The following LYPD5 variants were observed in gnomAD, a reference collection of about 807,000 sequenced individuals.
LYPD5 encodes the protein LY6/PLAUR domain containing 5.
Under a neutral mutation model 19.1 loss-of-function variants are expected in LYPD5, and 21 were observed. That is an observed-to-expected ratio of 1.10 (90% CI 0.78 to 1.58). The LOEUF is 1.58. Among genes scored for constraint, LYPD5 ranks in the 40% most tolerant of loss-of-function variants. LYPD5 has a pLI of 0.00. For missense variants in LYPD5, 287 were observed against 329.8 expected (o/e 0.87, Z 1.00); for synonymous variants, 128 against 142.7 (o/e 0.90, Z 0.74).
chr19:43,820,595 C>G (rs1023976099), exon 1 of LYPD5: 1 of 152,316 alleles, frequency 6.6e-6, no homozygotes, highest in African/African-American at 2.4e-5. Flanking sequence ...CGCCCTGCTT[C>G]GATGTCTCCT....
chr19:43,798,124 AG>A (rs1970160053), intron 4 of LYPD5, among the ~76,000 whole-genome samples: 7 of 68,054 alleles, frequency 1.0e-4, no homozygotes, highest in Admixed American at 3.5e-4. Context: ...CTCCTTCCTC[AG>A]AGCAGGGCCA....
chr19:43,798,801 C>A lies in LYPD5; in HGVS notation c.370+11G>T, dbSNP rs1158101059. ...GTCCCTCCCGGAGCCCAGCCCCGCT[C>A]TCCCGCGCACCTTGGCTCAGGTTGG... On this transcript the variant is annotated intron_variant, in intron 3 of 4. Transcript: ENST00000377950. 4 of 1,603,234 alleles carry A rather than the reference C, an allele frequency of 2.5e-6. No individual in the cohort carries two copies. Among genetic ancestry groups the A allele is most frequent in the Admixed American group, 3.4e-5 (2 of 58,084 alleles).
intron 1 of LYPD5, among the ~76,000 whole-genome samples, chr19:43,810,117 C>T (rs979678641): frequency 3.3e-5 from 5 of 152,174 alleles, no homozygotes; most frequent in Admixed American, 2.6e-4. Context: ...AATAGCACCT[C>T]CTTAGGTGTA....
chr19:43,816,435 A>C (rs1363320467), intron 1 of LYPD5, among the ~76,000 whole-genome samples: 2 of 152,192 alleles, frequency 1.3e-5, no homozygotes, highest in South Asian at 2.1e-4. Flanking sequence ...AATATGACGG[A>C]GATTAGGAGG....
At position 43,814,047 on chromosome 19, in the gene LYPD5, C is replaced by T. The variant is rs349033; in HGVS notation, c.-66+6493G>A. 8.2e-3 allele frequency among the ~76,000 whole-genome samples: 1,253 copies of T among 152,202 alleles called. 15 individuals carry two copies. Among genetic ancestry groups the T allele is most frequent in the African/African-American group, 0.029 (1,198 of 41,530 alleles). On this transcript the variant is annotated intron_variant, in intron 1 of 4. Coordinates refer to the LYPD5 transcript ENST00000414615. The stretch of plus-strand genomic sequence containing the variant: ...CATATATGCATGCATTTTGTATGTA[C>T]GCCCATAAATGTATCCACATACTTC...
chr19:43,816,058 CT>C (rs1970371804), intron 1 of LYPD5, among the ~76,000 whole-genome samples: 4 of 151,978 alleles, frequency 2.6e-5, no homozygotes, highest in African/African-American at 7.3e-5. Flanking sequence ...ATCTATCTAT[CT>C]ATCTATCTAT....
At chr19:43,812,455 T>A (rs1446568204) in intron 1 of LYPD5, among the ~76,000 whole-genome samples, 4 of 152,208 alleles carry the variant, frequency 2.6e-5, no homozygotes, top group Admixed American at 2.6e-4. Context: ...TGTCTATTAC[T>A]GTTGAACCAT....
intron 3 of LYPD5, 51 bp downstream of exon 3, chr19:43,798,761 G>T: frequency 6.3e-7 from 1 of 1,576,274 alleles, no homozygotes; most frequent in African/African-American, 1.3e-5. Flanking sequence ...CCCCGAGGCT[G>T]CCAGGCCTCT....
intron 1 of LYPD5, among the ~76,000 whole-genome samples, chr19:43,816,321 GCCACTT>G (rs1323880911): frequency 6.6e-6 from 1 of 152,108 alleles, no homozygotes; most frequent in Non-Finnish European, 1.5e-5. Flanking sequence ...TACAGTGATT[GCCACTT>G]CCTGATCACC....
upstream of LYPD5, among the ~76,000 whole-genome samples, chr19:43,804,205 G>A (rs935004159): frequency 1.9e-4 from 29 of 152,094 alleles, no homozygotes; most frequent in African/African-American, 7.0e-4. Flanking sequence ...ACCCAGGAAT[G>A]TCTTTTTCAA....
upstream of LYPD5, among the ~76,000 whole-genome samples, chr19:43,803,059 G>T (rs1400767268): frequency 6.6e-6 from 1 of 152,180 alleles, no homozygotes; most frequent in Admixed American, 6.5e-5. Flanking sequence ...GAAACAGAGA[G>T]AGAGGAAGAG....
upstream of LYPD5, among the ~76,000 whole-genome samples, chr19:43,806,748 T>C (rs181685852): frequency 1.3e-5 from 2 of 152,274 alleles, no homozygotes; most frequent in East Asian, 3.9e-4. Flanking sequence ...TATAATTATT[T>C]CATCATATAT....
In LYPD5 at chr19:43,808,887, TAA is replaced by T. The variant is rs140112631; in HGVS notation, c.-65-9055_-65-9054del. Among the ~76,000 whole-genome samples, 324 of 152,360 alleles carry T rather than the reference TAA, an allele frequency of 2.1e-3. 6 individuals carry two copies. Among genetic ancestry groups the T allele is most frequent in the East Asian group, 0.021 (108 of 5,196 alleles). ...TAGGCAACAAATCATTAAATTTTCA[TAA>T]GTTTATTTTTATACTGATGAAATTT... On this transcript the variant is annotated intron_variant, in intron 1 of 4. Transcript: ENST00000414615.
At chr19:43,817,765 G>A (rs989060995) in intron 1 of LYPD5, among the ~76,000 whole-genome samples, 1 of 150,844 alleles carries the variant, frequency 6.6e-6, no homozygotes, top group African/African-American at 2.4e-5. Flanking sequence ...TCACCAGGCT[G>A]GAGTGCAGTG....
rs773399405 is a variant in LYPD5 at position 43,797,664 on chromosome 19, G to A, written c.683C>T (p.Thr228Ile). 6.2e-7 allele frequency: 1 copy of A among 1,613,772 alleles called. No homozygotes were observed. The highest frequency in any genetic ancestry group is 1.7e-5 in the Admixed American group (1 of 59,984). ...GACCTGTAGTGCTCGGGGAGGGGTG[G>A]TGGCTGAAGCACTGGTGAAGGGCTG... ...MTQPFTSASA[T>I]TPPRALQVLA... The change falls in exon 5 of 5, where the codon ACC becomes ATC. Residue 228 changes from threonine to isoleucine, a missense_variant. Thr to Ile is a moderately conservative substitution (Grantham distance 89, BLOSUM62 -1). Coordinates refer to ENST00000377950, the MANE Select transcript of LYPD5 (RefSeq NM_001031749.3).
intron 1 of LYPD5, among the ~76,000 whole-genome samples, chr19:43,801,227 T>A (rs4803660): frequency 0.85 from 129,684 of 152,012 alleles, 56,026 homozygotes; most frequent in South Asian, 0.92. Flanking sequence ...ATCTCTATTT[T>A]AAAAACAACC....
Position 43,802,359 on chromosome 19 carries a change from C to A in LYPD5, c.22G>T (p.Val8Phe), listed in dbSNP as rs1970234808. Residue 8 changes from valine (V) to phenylalanine (F), a missense_variant, in exon 1 of 5, where the codon GTC (valine) becomes TTC (phenylalanine). Val to Phe is a conservative substitution (Grantham distance 50). Transcript: ENST00000377950. The part of the protein sequence containing the change: MAMGVPR[V>F]ILLCLFGAAL... ...GCCCCAAAGAGGCAGAGCAGAATGA[C>A]TCTGGGGACCCCCATTGCCATTGCT... 1.3e-6 allele frequency: 2 copies of A among 1,551,710 alleles called. No homozygotes were observed. The highest frequency in any genetic ancestry group is 1.7e-6 in the Non-Finnish European group (2 of 1,146,996).
intron 1 of LYPD5, among the ~76,000 whole-genome samples, chr19:43,807,609 A>G (rs1970283050): frequency 6.6e-6 from 1 of 152,118 alleles, no homozygotes; most frequent in Non-Finnish European, 1.5e-5. Context: ...ATAATTTGTG[A>G]TAGCTGTGCT....
rs1568406460 is a variant in LYPD5 at position 43,811,767 on chromosome 19, A to AGGGAGGG, written c.-66+8772_-66+8773insCCCTCCC. ...GAAGGAAGGGAGGGAGGGAGGGAGG[A>AGGGAGGG]AGGCAGGCAGGAAGACTCATTGATC... is the stretch of plus-strand genomic sequence containing the variant. On this transcript the variant is annotated intron_variant, in intron 1 of 4. Transcript: ENST00000414615. Among the ~76,000 whole-genome samples the AGGGAGGG allele has an allele frequency of 3.1e-4, 39 of 126,388 alleles. 1 individual carries two copies. Among genetic ancestry groups the AGGGAGGG allele is most frequent in the African/African-American group, 1.0e-3 (33 of 32,848 alleles). The allele number at this position is 126,388 out of a possible 152,430, so 82.9% of individuals were successfully genotyped here.
Sources: allele counts gnomAD v4.1 joint callset (sites outside exome capture counted in the v4.1 genomes callset), GRCh38; gene constraint gnomAD v4.1.1; transcripts MANE v1.5; gene names NCBI Gene and HGNC (gene_info 2026-07-23, HGNC 2026-07-21).